The following PFKP variants were observed in gnomAD, a reference collection of about 807,000 sequenced individuals.
PFKP encodes the protein ATP-dependent 6-phosphofructokinase, platelet type.
A neutral mutation model predicts 94.3 loss-of-function variants in PFKP; 101 were observed. The observed-to-expected ratio is 1.07, with a 90% CI of 0.91 to 1.26. The LOEUF is 1.26. Among genes scored for constraint, PFKP ranks in the 50% most tolerant of loss-of-function variants. PFKP has a pLI of 0.00. For synonymous variants in PFKP, 573 were observed against 432.6 expected, an observed-to-expected ratio of 1.32 and a Z score of -4.03; for missense variants, 1,145 against 1,103.3, an observed-to-expected ratio of 1.04 and a Z score of -0.53.
intron 18 of PFKP, among the ~76,000 whole-genome samples, 171 bp from the exon 19 acceptor site, chr10:3,133,032 G>A (rs1295015705): frequency 6.6e-6 from 1 of 152,208 alleles, no homozygotes; most frequent in Non-Finnish European, 1.5e-5. Flanking sequence ...ACTGGACCAT[G>A]GGTAACAAAC....
chr10:3,074,746 A>C (rs936532234), intron 1 of PFKP, among the ~76,000 whole-genome samples: 1 of 152,224 alleles, frequency 6.6e-6, no homozygotes, highest in African/African-American at 2.4e-5. Flanking sequence ...TGCTTAGAAT[A>C]GCAAAAAGTG....
At position 3,067,576 on chromosome 10, in the gene PFKP, C is replaced by T; in HGVS notation, c.-20C>T. The T allele has an allele frequency of 7.3e-7, 1 of 1,367,762 alleles. No individual in the cohort carries two copies. Among genetic ancestry groups the T allele is most frequent in the Non-Finnish European group, 1.0e-6 (1 of 998,858 alleles). The allele number at this position is 1,367,762 out of a possible 1,614,324, so 84.7% of individuals were successfully genotyped here. On this transcript the variant is annotated 5_prime_UTR_variant, in exon 1 of 22. Coordinates refer to ENST00000381125, the MANE Select transcript of PFKP (RefSeq NM_002627.5). ...GCCTGCTGCGCACCCGGACGTGCGG[C>T]TCCCCTCGGCCTCCTCGCCATGGAC...
rs146530771 is a variant in PFKP at position 3,097,251 on chromosome 10, C to T, written c.187-2024C>T. Among the ~76,000 whole-genome samples the T allele has an allele frequency of 1.9e-4, 29 of 151,880 alleles. 1 individual carries two copies. Among genetic ancestry groups the T allele is most frequent in the Middle Eastern group, 6.8e-3 (2 of 292 alleles). ...TCCAAGAGTCATTCATGGCTTTGCACATGACCGTCTGTTACCAGTGAGTCC... is the reference window on the plus strand; with the variant it reads ...TCCAAGAGTCATTCATGGCTTTGCATATGACCGTCTGTTACCAGTGAGTCC... On this transcript the variant is annotated intron_variant, in intron 2 of 21. Coordinates refer to ENST00000381125, the MANE Select transcript of PFKP (RefSeq NM_002627.5).
intron 16 of PFKP, chr10:3,124,972 C>T (rs1837786214): frequency 2.9e-5 from 22 of 755,574 alleles, no homozygotes; most frequent in South Asian, 1.1e-4. Flanking sequence ...CCCCTTGACC[C>T]GCATGAACCG....
chr10:3,116,916 T>C lies in PFKP; in HGVS notation c.1442+70T>C. 3 of 1,228,364 alleles carry C rather than the reference T, an allele frequency of 2.4e-6. No homozygotes were observed. In the South Asian group the frequency reaches 3.6e-5, roughly 15 times the overall value. The allele number at this position is 1,228,364 out of a possible 1,614,324, so 76.1% of individuals were successfully genotyped here. A position where few individuals can be genotyped will look rare whatever the true frequency, so the allele number is the denominator to read the frequency against. On this transcript the variant is annotated intron_variant, in intron 14 of 21. Transcript: ENST00000381125. ...GGAAGAGCCGTGTTCTGGGAGAGAATCGCTGGGTGCCGACGCCAGTTGGAT... is the reference window on the plus strand; with the variant it reads ...GGAAGAGCCGTGTTCTGGGAGAGAACCGCTGGGTGCCGACGCCAGTTGGAT...
intron 16 of PFKP, among the ~76,000 whole-genome samples, chr10:3,123,181 G>A (rs1837597353): frequency 6.6e-6 from 1 of 152,176 alleles, no homozygotes; most frequent in Non-Finnish European, 1.5e-5. Flanking sequence ...ACGGCTGCAG[G>A]GAGTTTCAGT....
chr10:3,084,542 C>T (rs756330578), intron 2 of PFKP, among the ~76,000 whole-genome samples: 7 of 152,118 alleles, frequency 4.6e-5, no homozygotes, highest in Non-Finnish European at 7.4e-5. Flanking sequence ...CTAGCTGTAG[C>T]ATTCCCAGGC....
intron 1 of PFKP, among the ~76,000 whole-genome samples, chr10:3,080,495 A>G (rs1270639592): frequency 7.0e-5 from 9 of 129,030 alleles, no homozygotes; most frequent in African/African-American, 1.4e-4. Flanking sequence ...CCAGCCTGGG[A>G]GACAGAGCGA....
At chr10:3,069,927 G>A (rs1180338702) in intron 1 of PFKP, among the ~76,000 whole-genome samples, 7 of 152,208 alleles carry the variant, frequency 4.6e-5, no homozygotes, top group African/African-American at 1.4e-4. Flanking sequence ...TTGAAGGTTA[G>A]TAAGTCCACG....
intron 21 of PFKP, 94 bp from the exon 22 acceptor site, chr10:3,136,356 T>G: frequency 7.6e-7 from 1 of 1,319,238 alleles, no homozygotes; most frequent in African/African-American, 1.4e-5. Flanking sequence ...ACAAACCCTG[T>G]GTTTCTGGCA....
In PFKP at chr10:3,074,965, G is replaced by GT. The variant is rs757139270; in HGVS notation, c.112+7261dup. ...GCCCAGAACAGAGATTTACCCACGTGTTTATTAACAGCAAGCCAGTCATCA... is the reference window on the plus strand; with the variant it reads ...GCCCAGAACAGAGATTTACCCACGTGTTTTATTAACAGCAAGCCAGTCATCA... On this transcript the variant is annotated intron_variant, in intron 1 of 21. Transcript: ENST00000381125. Among the ~76,000 whole-genome samples, 40 of 152,272 alleles carry GT rather than the reference G, an allele frequency of 2.6e-4. 1 individual carries two copies. Among genetic ancestry groups the GT allele is most frequent in the Non-Finnish European group, 4.4e-4 (30 of 68,032 alleles).
At chr10:3,117,055 G>T (rs185664908) in intron 14 of PFKP, among the ~76,000 whole-genome samples, 32 of 152,318 alleles carry the variant, frequency 2.1e-4, no homozygotes, top group African/African-American at 7.2e-4. Context: ...AGAGAGAAGA[G>T]GAGGTAACTT....
At chr10:3,107,960 C>T (rs1835801283) in intron 8 of PFKP, 3 of 1,289,702 alleles carry the variant, frequency 2.3e-6, no homozygotes, top group Non-Finnish European at 2.0e-6. Context: ...GAAGACGTCC[C>T]CACCTGGCTT....
In PFKP at chr10:3,136,619, G is replaced by A. The variant is rs1564367701; in HGVS notation, c.*40G>A. ...CATGTGCCTGCAGCCACCGTGGACT[G>A]TCTGTTTTTGTAACACTTAAGTTAT... On this transcript the variant is annotated 3_prime_UTR_variant, in exon 22 of 22. Coordinates refer to ENST00000381125, the MANE Select transcript of PFKP (RefSeq NM_002627.5). 11 of 1,600,878 alleles carry A rather than the reference G, an allele frequency of 6.9e-6. No individual in the cohort carries two copies. The highest frequency in any genetic ancestry group is 2.2e-5 in the East Asian group (1 of 44,502).
intron 16 of PFKP, among the ~76,000 whole-genome samples, chr10:3,124,032 C>CTGT: frequency 6.7e-6 from 1 of 148,754 alleles, no homozygotes; most frequent in South Asian, 2.2e-4. Context: ...ATCCACCGTG[C>CTGT]TGTGAACTCA....
In PFKP at chr10:3,106,524, G is replaced by A. The variant is rs192183516; in HGVS notation, c.775-690G>A. The stretch of plus-strand genomic sequence containing the variant: ...GACTGGGGGCCACATTTCTATCTGC[G>A]GTGGTGATGTGAGCTCCCAGTCCCA... On this transcript the variant is annotated intron_variant, in intron 7 of 21. Transcript: ENST00000381125. 6.1e-3 allele frequency among the ~76,000 whole-genome samples: 915 copies of A among 150,500 alleles called. 2 individuals are homozygous for A. The highest frequency in any genetic ancestry group is 0.01 in the Non-Finnish European group (683 of 67,678).
intron 5 of PFKP, among the ~76,000 whole-genome samples, chr10:3,104,545 T>TTCCCA (rs1835352893): frequency 6.6e-6 from 1 of 152,256 alleles, no homozygotes; most frequent in Non-Finnish European, 1.5e-5. Flanking sequence ...CAGTCCTCTG[T>TTCCCA]GTGCGTGTCC....
chr10:3,107,553 C>T (rs530992974), intron 8 of PFKP, among the ~76,000 whole-genome samples: 1 of 152,350 alleles, frequency 6.6e-6, no homozygotes, highest in East Asian at 1.9e-4. Flanking sequence ...CCCCAGCAGA[C>T]AGAGGGGGTC....
chr10:3,076,323 G>A (rs928938425), intron 1 of PFKP, among the ~76,000 whole-genome samples: 3 of 152,148 alleles, frequency 2.0e-5, no homozygotes, highest in African/African-American at 4.8e-5. Flanking sequence ...ATGTGCAGGG[G>A]AGGGCCGACA....
Sources: allele counts gnomAD v4.1 joint callset (sites outside exome capture counted in the v4.1 genomes callset), GRCh38; gene constraint gnomAD v4.1.1; transcripts MANE v1.5; gene names NCBI Gene and HGNC (gene_info 2026-07-23, HGNC 2026-07-21).